The following ASB2 variants were observed in gnomAD, a reference collection of about 807,000 sequenced individuals.
ASB2 encodes the protein ankyrin repeat and SOCS box containing 2.
In ASB2, 58 loss-of-function variants were observed where a neutral mutation model predicts 62.4. That is an observed-to-expected ratio of 0.93 (90% confidence interval 0.75 to 1.16). ASB2 has a LOEUF of 1.16. Among genes scored for constraint, ASB2 ranks in the 50% most tolerant of loss-of-function variants. ASB2 has a pLI of 0.00. For synonymous variants in ASB2, 386 were observed against 385.3 expected (o/e 1.00, Z -0.02); for missense variants, 928 against 887.9 (o/e 1.05, Z -0.57).
At chr14:93,936,470 G>C (rs537878210) in intron 9 of ASB2, among the ~76,000 whole-genome samples, 1 of 152,208 alleles carries the variant, frequency 6.6e-6, no homozygotes, top group African/African-American at 2.4e-5. Flanking sequence ...GCCAAGGATC[G>C]TGGTGACAGC....
chr14:93,957,013 G>A, intron 2 of ASB2, 143 bp from the exon 3 acceptor site: 1 of 1,535,646 alleles, frequency 6.5e-7, no homozygotes, highest in Non-Finnish European at 8.8e-7. Context: ...CAAAGCAGAT[G>A]GCCGGGTCCT....
At chr14:93,939,086 A>C (rs1380641633) in intron 8 of ASB2, 22 bp downstream of exon 8, 3 of 1,437,828 alleles carry the variant, frequency 2.1e-6, no homozygotes, top group Admixed American at 5.6e-5. Context: ...CGTGCTCCCC[A>C]CCGCCAGCGT....
chr14:93,955,375 A>G (rs1312783992), intron 3 of ASB2: 1 of 341,698 alleles, frequency 2.9e-6, no homozygotes, highest in Non-Finnish European at 5.8e-6. Flanking sequence ...ATGGTGTCAG[A>G]GCACAGATGC....
At chr14:93,960,256 G>A (rs1889362387) in intron 2 of ASB2, among the ~76,000 whole-genome samples, 1 of 152,132 alleles carries the variant, frequency 6.6e-6, no homozygotes, top group African/African-American at 2.4e-5. Flanking sequence ...CTTTTCCAGG[G>A]TCCCTCTGTA....
At chr14:93,935,635 A>G (rs752537873) in intron 9 of ASB2, among the ~76,000 whole-genome samples, 18 of 152,128 alleles carry the variant, frequency 1.2e-4, no homozygotes, top group Admixed American at 2.6e-4. Context: ...AGCAGGGAAA[A>G]CAGCAAGTGG....
chr14:93,946,284 G>A (rs1888718398), intron 7 of ASB2, among the ~76,000 whole-genome samples: 1 of 152,230 alleles, frequency 6.6e-6, no homozygotes, highest in African/African-American at 2.4e-5. Flanking sequence ...CCGCAGCACA[G>A]TGTGAGGCTC....
rs1303341492 is a variant in ASB2, at chr14:93,953,450, G to C, written c.536C>G (p.Ala179Gly). The C allele has an allele frequency of 1.2e-6, 2 of 1,608,382 alleles. No homozygotes were observed. Among genetic ancestry groups the C allele is most frequent in the Non-Finnish European group, 1.7e-6 (2 of 1,175,636 alleles). ...ACAGTCCAGGTGGCCCCTGCACGTT[G>C]CCAAGTAAACGGCTGTTTCCTCCTG... ...TLQEETAVYL[A>G]TCRGHLDCLL... The change falls in exon 5 of 10, where the codon GCA (alanine) becomes GGA (glycine). Residue 179 changes from alanine to glycine, a missense_variant. Ala to Gly is a moderately conservative substitution (Grantham distance 60, BLOSUM62 0). Transcript: ENST00000555019.
At position 93,953,442 on chromosome 14, in the gene ASB2, T is replaced by C. The variant is rs951369914; in HGVS notation, c.544A>G (p.Arg182Gly). 1.9e-6 allele frequency: 3 copies of C among 1,609,376 alleles called. No homozygotes were observed. In the African/African-American group the frequency reaches 4.0e-5, roughly 21 times the overall value. Reference sequence around the variant, plus strand: ...GACAGGAGACAGTCCAGGTGGCCCCTGCACGTTGCCAAGTAAACGGCTGTT... The same window carrying C: ...GACAGGAGACAGTCCAGGTGGCCCCCGCACGTTGCCAAGTAAACGGCTGTT... ...EETAVYLATC[R>G]GHLDCLLSLL... Residue 182 changes from arginine to glycine, a missense_variant, in exon 5 of 10, where the codon AGG becomes GGG. By Grantham distance (125) the Arg-to-Gly change is moderately radical. Coordinates refer to ENST00000555019, the MANE Select transcript of ASB2 (RefSeq NM_001202429.2).
chr14:93,939,333 G>A lies in ASB2; in HGVS notation c.1392C>T (p.Gly464=). 6.2e-7 allele frequency: 1 copy of A among 1,610,962 alleles called. No homozygotes were observed. The highest frequency in any genetic ancestry group is 8.5e-7 in the Non-Finnish European group (1 of 1,178,260). ...TGGCGATATAGGCGTCGATGTTCGCGCCGTGGTCCAGCAGCAGCTGCATTG... is the reference window on the plus strand; with the variant it reads ...TGGCGATATAGGCGTCGATGTTCGCACCGTGGTCCAGCAGCAGCTGCATTG... ...LRTMQLLLDH[G]ANIDAYIATH... is the part of the protein sequence containing the mutation. The change falls in exon 8 of 10, where the codon GGC becomes GGT. Residue 464 remains glycine (G), a synonymous_variant. Transcript: ENST00000555019.
chr14:93,962,819 AC>A (rs1322324194), intron 2 of ASB2, among the ~76,000 whole-genome samples: 1 of 151,800 alleles, frequency 6.6e-6, no homozygotes, highest in African/African-American at 2.4e-5. Context: ...TCTCTATCTG[AC>A]CCCCTCCTGA....
At chr14:93,937,626 A>T in intron 9 of ASB2, 72 bp downstream of exon 9, 20 of 1,492,706 alleles carry the variant, frequency 1.3e-5, no homozygotes, top group Non-Finnish European at 1.8e-5. Context: ...GAACAGTCGC[A>T]CTCCCTGAGG....
At chr14:93,937,557 C>T in intron 9 of ASB2, 141 bp downstream of exon 9, 1 of 846,682 alleles carries the variant, frequency 1.2e-6, no homozygotes, top group Non-Finnish European at 1.7e-6. Context: ...AGGCAGATTC[C>T]TCATGTTTCA....
At chr14:93,950,690 C>A (rs1888920059) in intron 6 of ASB2, among the ~76,000 whole-genome samples, 1 of 152,150 alleles carries the variant, frequency 6.6e-6, no homozygotes, top group South Asian at 2.1e-4. Flanking sequence ...TCACTCTGTG[C>A]CTCAGACTCC....
intron 1 of ASB2, among the ~76,000 whole-genome samples, chr14:93,972,617 T>C (rs1316445610): frequency 6.6e-6 from 1 of 152,272 alleles, no homozygotes; most frequent in East Asian, 1.9e-4. Flanking sequence ...TGACACAACA[T>C]TAAGGGCATG....
chr14:93,975,482 C>A (rs1815801807), intron 1 of ASB2, among the ~76,000 whole-genome samples: 1 of 152,242 alleles, frequency 6.6e-6, no homozygotes, highest in Non-Finnish European at 1.5e-5. Flanking sequence ...GAGATGTGAA[C>A]ACACGGGTGG....
At chr14:93,950,787 G>A (rs1888923636) in intron 6 of ASB2, among the ~76,000 whole-genome samples, 2 of 150,768 alleles carry the variant, frequency 1.3e-5, no homozygotes, top group South Asian at 2.1e-4. Flanking sequence ...TGTTCTAATG[G>A]CAGATGTCAC....
intron 8 of ASB2, among the ~76,000 whole-genome samples, chr14:93,938,428 G>T (rs1190801688): frequency 6.6e-6 from 1 of 151,954 alleles, no homozygotes; most frequent in Non-Finnish European, 1.5e-5. Context: ...TTTTAGTTAA[G>T]ACGGGGTTTC....
chr14:93,935,026 C>T (rs1279270683), intron 9 of ASB2, among the ~76,000 whole-genome samples: 5 of 152,204 alleles, frequency 3.3e-5, no homozygotes, highest in African/African-American at 1.2e-4. Flanking sequence ...GTGGTTAGCA[C>T]ACCCATTTCA....
intron 1 of ASB2, among the ~76,000 whole-genome samples, chr14:93,972,932 T>G (rs1164480666): frequency 2.0e-5 from 3 of 152,134 alleles, no homozygotes; most frequent in Admixed American, 6.5e-5. Flanking sequence ...AAGCTTCCAG[T>G]TTACCCCCAG....
Sources: gnomAD v4.1 joint callset for allele counts (sites outside exome capture counted in the v4.1 genomes callset) on GRCh38, gnomAD v4.1.1 for gene constraint, MANE v1.5 for transcripts, NCBI Gene and HGNC (gene_info 2026-07-23, HGNC 2026-07-21) for gene names.